Variants in SAXO1 observed in about 807,000 individuals in gnomAD.
SAXO1 encodes the protein 4930500O09Rik.
In SAXO1, 21 loss-of-function variants were observed where a neutral mutation model predicts 17.5. The ratio of observed to expected loss-of-function variants is 1.20; its 90% CI spans 0.85 to 1.72. SAXO1 has a LOEUF of 1.72. Among genes scored for constraint, SAXO1 ranks in the 40% most tolerant of loss-of-function variants. SAXO1 has a pLI of 0.00. For synonymous variants in SAXO1, 274 were observed against 216.5 expected, an observed-to-expected ratio of 1.27 and a Z score of -2.33; for missense variants, 843 against 596.0, an observed-to-expected ratio of 1.41 and a Z score of -4.32.
At chr9:18,950,621 A>C in intron 2 of SAXO1, 137 bp downstream of exon 2, 1 of 727,418 alleles carries the variant, frequency 1.4e-6, no homozygotes, top group Non-Finnish European at 2.2e-6. Flanking sequence ...ATAGTACATT[A>C]AGGCATTAAT....
intron 1 of SAXO1, among the ~76,000 whole-genome samples, chr9:18,985,967 T>C (rs1248566091): frequency 6.6e-6 from 1 of 152,152 alleles, no homozygotes; most frequent in Non-Finnish European, 1.5e-5. Flanking sequence ...TACCAAGAAG[T>C]AAGAATTACT....
In SAXO1 at chr9:19,000,523, A is replaced by C. The variant is rs544409497; in HGVS notation, c.38+32348T>G. 3.3e-5 allele frequency among the ~76,000 whole-genome samples: 5 copies of C among 150,180 alleles called. No homozygotes were observed. In the East Asian group the frequency reaches 1.0e-3, roughly 30 times the overall value. ...TCTGGGAAGTGAGGGGTGCCTCTGC[A>C]CAGCTGCCCCCCTCTAGGAAATGAG... On this transcript the variant is annotated intron_variant, in intron 1 of 3. Coordinates refer to ENST00000380534, the MANE Select transcript of SAXO1 (RefSeq NM_153707.4).
intron 1 of SAXO1, among the ~76,000 whole-genome samples, chr9:18,990,827 T>C (rs1433297965): frequency 6.6e-6 from 1 of 152,210 alleles, no homozygotes. Context: ...ACCTAATGCC[T>C]GATGATGTGT....
chr9:19,005,347 G>T (rs894092072), intron 1 of SAXO1, among the ~76,000 whole-genome samples: 1 of 151,936 alleles, frequency 6.6e-6, no homozygotes, highest in African/African-American at 2.4e-5. Context: ...AAATGACCAA[G>T]TATAAAGACC....
intron 1 of SAXO1, among the ~76,000 whole-genome samples, chr9:19,011,113 TA>T (rs1288684926): frequency 3.9e-5 from 6 of 152,204 alleles, no homozygotes; most frequent in Admixed American, 1.3e-4. Flanking sequence ...TTAAATTCCC[TA>T]AAAAAGTAAA....
At chr9:18,958,904 G>A (rs552529668) in intron 1 of SAXO1, among the ~76,000 whole-genome samples, 22 of 152,172 alleles carry the variant, frequency 1.4e-4, no homozygotes, top group Middle Eastern at 6.8e-3. Context: ...TGGAGAAACC[G>A]TATTTGCGAA....
chr9:19,036,003 G>A (rs1448082112), upstream of SAXO1, among the ~76,000 whole-genome samples: 1 of 151,054 alleles, frequency 6.6e-6, no homozygotes, highest in East Asian at 1.9e-4. Context: ...ACTAACACAA[G>A]AACAGAAAAC....
chr9:18,936,478 TGATG>T (rs764375303), intron 3 of SAXO1, among the ~76,000 whole-genome samples: 11 of 152,146 alleles, frequency 7.2e-5, no homozygotes, highest in Non-Finnish European at 1.3e-4. Flanking sequence ...CTCTCTTCTG[TGATG>T]GATGAAGTGT....
chr9:18,961,207 G>C (rs1442870952), intron 1 of SAXO1, among the ~76,000 whole-genome samples: 1 of 151,336 alleles, frequency 6.6e-6, no homozygotes, highest in East Asian at 1.9e-4. Flanking sequence ...CGCTCTGTCA[G>C]CCAGGCTAGA....
At chr9:19,010,148 A>AC (rs1563979268) in intron 1 of SAXO1, among the ~76,000 whole-genome samples, 83 of 108,382 alleles carry the variant, frequency 7.7e-4, no homozygotes, top group African/African-American at 2.5e-3. Context: ...AATCTAAAAA[A>AC]AAACAACAAC....
chr9:19,009,531 C>A (rs186744235), intron 1 of SAXO1, among the ~76,000 whole-genome samples: 1 of 152,252 alleles, frequency 6.6e-6, no homozygotes, highest in African/African-American at 2.4e-5. Flanking sequence ...TCTGGGCAAA[C>A]TCCCGAGACC....
rs986556997 is a variant in SAXO1, at chr9:18,962,489, G to A, written c.39-11552C>T. 1.4e-4 allele frequency among the ~76,000 whole-genome samples: 21 copies of A among 152,256 alleles called. 1 individual carries two copies. Among genetic ancestry groups the A allele is most frequent in the Middle Eastern group, 3.4e-3 (1 of 294 alleles). On this transcript the variant is annotated intron_variant, in intron 1 of 3. Coordinates refer to ENST00000380534, the MANE Select transcript of SAXO1 (RefSeq NM_153707.4). ...TCACATCATTCACCCACTTTTTGATGGGTGAATTTGTTTAAGTTCCTTGTA... is the reference window on the plus strand; with the variant it reads ...TCACATCATTCACCCACTTTTTGATAGGTGAATTTGTTTAAGTTCCTTGTA...
At chr9:18,973,923 T>G (rs923624598) in intron 1 of SAXO1, among the ~76,000 whole-genome samples, 1 of 152,178 alleles carries the variant, frequency 6.6e-6, no homozygotes, top group South Asian at 2.1e-4. Flanking sequence ...ATGTACTATG[T>G]TGGGTAATAA....
At chr9:19,042,840 CAACAAGAGCAA>C (rs1296733898) in intron 1 of SAXO1, among the ~76,000 whole-genome samples, 1 of 150,668 alleles carries the variant, frequency 6.6e-6, no homozygotes, top group Non-Finnish European at 1.5e-5. Context: ...CCAGACTGGG[CAACAAGAGCAA>C]AACTCTGCCT....
chr9:18,954,201 C>G (rs1031499244), intron 1 of SAXO1, among the ~76,000 whole-genome samples: 3 of 152,178 alleles, frequency 2.0e-5, no homozygotes, highest in Admixed American at 1.3e-4. Context: ...GGACATAACA[C>G]TGACTTTCTG....
chr9:19,034,551 C>G (rs1041581482), upstream of SAXO1, among the ~76,000 whole-genome samples: 1 of 152,164 alleles, frequency 6.6e-6, no homozygotes, highest in Non-Finnish European at 1.5e-5. Flanking sequence ...CTAAAATATT[C>G]ACTATCTGAC....
intron 1 of SAXO1, among the ~76,000 whole-genome samples, chr9:18,959,011 G>A (rs1335231827): frequency 6.6e-6 from 1 of 152,178 alleles, no homozygotes; most frequent in African/African-American, 2.4e-5. Context: ...ATGTTTAACA[G>A]TTTGATGCCA....
chr9:18,974,972 C>A (rs10963887), intron 1 of SAXO1, among the ~76,000 whole-genome samples: 14 of 152,290 alleles, frequency 9.2e-5, no homozygotes, highest in African/African-American at 3.4e-4. Flanking sequence ...GTGGAGAAAT[C>A]TGGCAGACTC....
rs145638339 is a variant in SAXO1, at chr9:19,049,031, C to G, written c.-158+178G>C. Among the ~76,000 whole-genome samples the G allele has an allele frequency of 2.5e-3, 386 of 152,346 alleles. 4 individuals carry two copies. The South Asian group carries it at 0.03, about 12-fold the overall frequency. ...CCTTGTACTCACTGGGCCGGGCAAG[C>G]TGGGGAGGCCTAAGCGGACTGGGAA... On this transcript the variant is annotated intron_variant, in intron 1 of 3. Coordinates refer to the SAXO1 transcript ENST00000542071. This position sits in a 1 kb window ranked among gnomAD's most constrained non-coding sequence, Gnocchi z 5.4.
Sources: allele counts gnomAD v4.1 joint callset (sites outside exome capture counted in the v4.1 genomes callset), GRCh38; gene constraint gnomAD v4.1.1; non-coding constraint Gnocchi (gnomAD v3.1); transcripts MANE v1.5; gene names NCBI Gene and HGNC (gene_info 2026-07-23, HGNC 2026-07-21).